The following FYCO1 variants were observed in gnomAD, a reference collection of about 807,000 sequenced individuals.
FYCO1 encodes the protein FYVE and coiled-coil domain-containing protein 1.
Under a neutral mutation model 165.1 loss-of-function variants are expected in FYCO1, and 122 were observed. The observed-to-expected ratio is 0.74, with a 90% CI of 0.64 to 0.86. The LOEUF (loss-of-function observed/expected upper bound fraction) is 0.86, where lower values mean the gene tolerates loss of function less well. FYCO1 is among the 40% of genes least tolerant of loss of function. The pLI is 0.00. For missense variants in FYCO1, 1,702 were observed against 1,810.3 expected, an observed-to-expected ratio of 0.94 and a Z score of 1.09; for synonymous variants, 648 against 742.5, an observed-to-expected ratio of 0.87 and a Z score of 2.07.
At chr3:45,933,014 G>C (rs985651540) in intron 15 of FYCO1, among the ~76,000 whole-genome samples, 2 of 152,052 alleles carry the variant, frequency 1.3e-5, no homozygotes, top group Non-Finnish European at 2.9e-5. Context: ...TTCTCCCCTG[G>C]CACCCAGGTA....
intron 13 of FYCO1, among the ~76,000 whole-genome samples, chr3:45,956,463 A>T (rs1434600919): frequency 6.6e-6 from 1 of 152,200 alleles, no homozygotes; most frequent in African/African-American, 2.4e-5. Flanking sequence ...AGCCCATGCA[A>T]AGTTCCTGGG....
chr3:45,926,706 C>T (rs948436069), intron 16 of FYCO1, among the ~76,000 whole-genome samples: 41 of 152,128 alleles, frequency 2.7e-4, no homozygotes, highest in African/African-American at 8.9e-4. Context: ...GGCTCACGCC[C>T]GTAATCTCAA....
At chr3:45,977,065 T>C (rs766172969) in intron 4 of FYCO1, among the ~76,000 whole-genome samples, 62 of 152,068 alleles carry the variant, frequency 4.1e-4, no homozygotes, top group Non-Finnish European at 7.9e-4. Context: ...CCACTGACGA[T>C]TGAGGTGAGA....
chr3:45,946,779 G>T (rs1487349974), intron 14 of FYCO1: 2 of 1,612,916 alleles, frequency 1.2e-6, no homozygotes, highest in Non-Finnish European at 1.7e-6. Flanking sequence ...GTTTGGCCAG[G>T]TCATGTGCAA....
intron 16 of FYCO1, among the ~76,000 whole-genome samples, chr3:45,930,123 A>G (rs1305357852): frequency 6.6e-6 from 1 of 152,334 alleles, no homozygotes; most frequent in East Asian, 1.9e-4. Context: ...TGCAAAATGG[A>G]GATTTCTGCA....
chr3:45,974,405 A>C lies in FYCO1; in HGVS notation c.395+834T>G, dbSNP rs547367137. 2.6e-5 allele frequency among the ~76,000 whole-genome samples: 4 copies of C among 152,360 alleles called. No individual in the cohort carries two copies. The South Asian group carries it at 8.3e-4, about 32-fold the overall frequency. ...CTGTGCGATCTTCACCAAACATCTA[A>C]AACAAAATAACCTTCAAATCAAATA... On this transcript the variant is annotated intron_variant, in intron 5 of 17. Coordinates refer to ENST00000296137, the MANE Select transcript of FYCO1 (RefSeq NM_024513.4).
chr3:45,977,629 G>A (rs1279694870), intron 4 of FYCO1, among the ~76,000 whole-genome samples: 2 of 151,898 alleles, frequency 1.3e-5, no homozygotes, highest in Non-Finnish European at 2.9e-5. Context: ...GCAGGGTACA[G>A]GAGAGCTGAT....
intron 4 of FYCO1, among the ~76,000 whole-genome samples, chr3:45,979,096 G>A (rs1706915642): frequency 1.3e-5 from 2 of 152,054 alleles, no homozygotes. Context: ...TCCTGACCTC[G>A]TGATCTGCCC....
chr3:45,964,358 C>T lies in FYCO1; in HGVS notation c.3247G>A (p.Ala1083Thr). 6.2e-7 allele frequency: 1 copy of T among 1,614,020 alleles called. No individual in the cohort carries two copies. Among genetic ancestry groups the T allele is most frequent in the South Asian group, 1.1e-5 (1 of 91,082 alleles). The change falls in exon 10 of 18, where the codon GCC becomes ACC. Residue 1083 changes from alanine (A) to threonine (T), a missense_variant. Ala to Thr is a moderately conservative substitution (Grantham distance 58). Transcript: ENST00000296137. This position sits in a 1 kb window ranked among gnomAD's most constrained non-coding sequence, Gnocchi z 4.1. Reference protein sequence around the residue: ...AMLRKDKEGAALREDLERTQK... With the variant: ...AMLRKDKEGATLREDLERTQK... ...AACCTTTCTAGGTCTTCACGCAGGGCAGCCCCCTCCTTGTCCTTCCTCAGC... is the reference window on the plus strand; with the variant it reads ...AACCTTTCTAGGTCTTCACGCAGGGTAGCCCCCTCCTTGTCCTTCCTCAGC...
chr3:45,972,938 C>A, intron 6 of FYCO1, 150 bp downstream of exon 6: 1 of 821,364 alleles, frequency 1.2e-6, no homozygotes, highest in East Asian at 2.7e-5. Flanking sequence ...CATGATTCAA[C>A]AAAGTCTGTA....
chr3:45,984,157 G>T (rs1407863320), intron 2 of FYCO1, among the ~76,000 whole-genome samples: 1 of 152,170 alleles, frequency 6.6e-6, no homozygotes, highest in African/African-American at 2.4e-5. Context: ...GGTGATGAGT[G>T]GGGATGGAAA....
At chr3:45,921,890 C>A in intron 17 of FYCO1, 50 bp from the exon 18 acceptor site, 1 of 1,249,870 alleles carries the variant, frequency 8.0e-7, no homozygotes, top group South Asian at 1.2e-5. Context: ...AGCTGAAAGT[C>A]CGAGGGGTGG....
chr3:45,966,135 A>C (rs1249675428), intron 8 of FYCO1, 142 bp downstream of exon 8: 1 of 801,368 alleles, frequency 1.2e-6, no homozygotes, highest in East Asian at 2.5e-5. Flanking sequence ...TGTGATAGGA[A>C]AGGGCCACAA....
In FYCO1 at chr3:45,964,481, A is replaced by G; in HGVS notation, c.3151-27T>C. 6.2e-7 allele frequency: 1 copy of G among 1,613,172 alleles called. No individual in the cohort carries two copies. Among genetic ancestry groups the G allele is most frequent in the Admixed American group, 1.7e-5 (1 of 60,006 alleles). On this transcript the variant is annotated intron_variant, in intron 9 of 17. Transcript: ENST00000296137. The surrounding 1 kb of genome is among the most constrained non-coding windows in gnomAD (Gnocchi z 4.1). ...TGGCACAGGACGTCAGGGAGAAGACACTCAGCTTGCAGAAGGCCATGCAAC... is the reference window on the plus strand; with the variant it reads ...TGGCACAGGACGTCAGGGAGAAGACGCTCAGCTTGCAGAAGGCCATGCAAC...
At chr3:45,946,987 A>G (rs1344997388) in intron 14 of FYCO1, 3 of 1,614,218 alleles carry the variant, frequency 1.9e-6, no homozygotes, top group African/African-American at 1.3e-5. Flanking sequence ...CAAATTATCT[A>G]TGGCAATGTC....
chr3:45,950,250 G>C (rs1412108995), intron 14 of FYCO1, among the ~76,000 whole-genome samples: 1 of 151,534 alleles, frequency 6.6e-6, no homozygotes, highest in African/African-American at 2.4e-5. Context: ...CTCAGGGTTG[G>C]AGGGTAAAGG....
At chr3:45,935,645 C>A (rs1703850482) in intron 15 of FYCO1, among the ~76,000 whole-genome samples, 1 of 152,230 alleles carries the variant, frequency 6.6e-6, no homozygotes, top group Admixed American at 6.5e-5. Context: ...ATGGCAAATT[C>A]CCCTTCCCTG....
chr3:45,956,971 C>T (rs1399063125), intron 13 of FYCO1, among the ~76,000 whole-genome samples: 2 of 152,226 alleles, frequency 1.3e-5, no homozygotes, highest in African/African-American at 2.4e-5. Context: ...AGTCACTCTA[C>T]GTGATGTTAA....
At chr3:45,939,483 C>T (rs111708728) in intron 14 of FYCO1, among the ~76,000 whole-genome samples, 53 of 152,172 alleles carry the variant, frequency 3.5e-4, no homozygotes, top group Non-Finnish European at 6.8e-4. Context: ...TTCCCTGTCA[C>T]GACTCAAATG....
Sources: gnomAD v4.1 joint callset for allele counts (sites outside exome capture counted in the v4.1 genomes callset) on GRCh38, gnomAD v4.1.1 for gene constraint, Gnocchi (gnomAD v3.1) non-coding constraint, MANE v1.5 for transcripts, NCBI Gene and HGNC (gene_info 2026-07-23, HGNC 2026-07-21) for gene names.